Variants in ADGRV1 observed in about 807,000 individuals in gnomAD.
ADGRV1 encodes adhesion G protein-coupled receptor V1, also known as G-protein coupled receptor 98.
Under a neutral mutation model 596.2 loss-of-function variants are expected in ADGRV1, and 359 were observed. The ratio of observed to expected loss-of-function variants is 0.60; its 90% CI spans 0.55 to 0.66. ADGRV1 has a LOEUF of 0.66. ADGRV1 is among the 30% of genes least tolerant of loss of function. The pLI is 0.00. For synonymous variants in ADGRV1, 2,681 were observed against 2,679.2 expected, an observed-to-expected ratio of 1.00 and a Z score of -0.02; for missense variants, 7,274 against 7,575.6, an observed-to-expected ratio of 0.96 and a Z score of 1.48.
chr5:90,657,170 C>T (rs547520348), intron 20 of ADGRV1, among the ~76,000 whole-genome samples: 76 of 150,902 alleles, frequency 5.0e-4, no homozygotes, highest in African/African-American at 1.7e-3. Context: ...GCGCCTCAAG[C>T]GATCCTCCCA....
chr5:90,792,036 C>G (rs895799174), intron 70 of ADGRV1: 2 of 152,128 alleles, frequency 1.3e-5, no homozygotes, highest in African/African-American at 4.8e-5. Flanking sequence ...TTATGGCATT[C>G]ATTGCCACTG....
At chr5:91,102,169 T>C (rs535591208) in intron 86 of ADGRV1, 50 bp from the exon 87 acceptor site, 2 of 1,552,862 alleles carry the variant, frequency 1.3e-6, no homozygotes, top group South Asian at 2.3e-5. Context: ...TGTATACATG[T>C]GACTGTGCAG....
intron 76 of ADGRV1, among the ~76,000 whole-genome samples, chr5:90,828,251 T>A (rs1042975286): frequency 6.6e-6 from 1 of 152,106 alleles, no homozygotes; most frequent in African/African-American, 2.4e-5. Flanking sequence ...AACTTCAGAA[T>A]TGACTATTAT....
At chr5:90,960,146 A>AAC (rs1177688404) in intron 83 of ADGRV1, among the ~76,000 whole-genome samples, 1 of 146,148 alleles carries the variant, frequency 6.8e-6, no homozygotes, top group African/African-American at 2.7e-5. Context: ...TCAAAAAAAA[A>AAC]AAAAAAACAA....
chr5:90,845,404 A>G (rs1765781354), intron 78 of ADGRV1, among the ~76,000 whole-genome samples: 1 of 152,190 alleles, frequency 6.6e-6, no homozygotes, highest in South Asian at 2.1e-4. Context: ...GTGCTTTACT[A>G]AAAGAAACTT....
chr5:90,841,636 TA>T lies in ADGRV1; in HGVS notation c.17019+660del, dbSNP rs558500786. Among the ~76,000 whole-genome samples, 1,390 of 150,738 alleles carry T rather than the reference TA, an allele frequency of 9.2e-3. 5 individuals are homozygous for T. Among genetic ancestry groups the T allele is most frequent in the South Asian group, 0.046 (219 of 4,762 alleles). ...GAAAGATATCTATAAAGTTATTACT[TA>T]AAAAAAAAGCCTCCTTTGGAGGTTT... is the stretch of plus-strand genomic sequence containing the variant. On this transcript the variant is annotated intron_variant, in intron 78 of 89. Coordinates refer to ENST00000405460, the MANE Select transcript of ADGRV1 (RefSeq NM_032119.4).
intron 78 of ADGRV1, among the ~76,000 whole-genome samples, chr5:90,847,077 C>T (rs1279067357): frequency 1.3e-5 from 2 of 152,084 alleles, no homozygotes; most frequent in African/African-American, 4.8e-5. Flanking sequence ...CCTTCACAAT[C>T]CCTTAGCTAG....
chr5:90,640,239 A>G (rs1052827219), intron 11 of ADGRV1, among the ~76,000 whole-genome samples: 5 of 152,150 alleles, frequency 3.3e-5, no homozygotes, highest in Non-Finnish European at 7.4e-5. Flanking sequence ...TGGATTTGGA[A>G]AAGTGTTTTG....
chr5:90,653,923 A>G lies in ADGRV1; in HGVS notation c.4349A>G (p.Lys1450Arg), dbSNP rs372188446. 8.1e-5 allele frequency: 127 copies of G among 1,561,488 alleles called. No individual in the cohort carries two copies. Among genetic ancestry groups the G allele is most frequent in the Middle Eastern group, 1.7e-4 (1 of 6,018 alleles). The change falls in exon 20 of 90, where the codon AAG becomes AGG. Residue 1450 changes from lysine (K) to arginine (R), a missense_variant. Lys to Arg is a conservative substitution (Grantham distance 26). This residue lies in a region of ADGRV1 where 38 missense variants were observed against 66.7 expected (regional missense o/e 0.57). Coordinates refer to ENST00000405460, the MANE Select transcript of ADGRV1 (RefSeq NM_032119.4). The stretch of plus-strand genomic sequence containing the variant: ...GGAAATGCAATGCCCAGGGGAATCA[A>G]GAGTCTGAAAGGAGAAGCCATTACT... The part of the protein sequence containing the change: ...LDGNAMPRGI[K>R]SLKGEAITDG...
intron 1 of ADGRV1, among the ~76,000 whole-genome samples, chr5:90,605,477 G>T (rs1762004344): frequency 6.6e-6 from 1 of 151,352 alleles, no homozygotes; most frequent in African/African-American, 2.4e-5. Context: ...ATATTTACTT[G>T]CCCTGTTTCT....
intron 83 of ADGRV1, among the ~76,000 whole-genome samples, chr5:90,960,088 G>T (rs1263278158): frequency 6.7e-6 from 1 of 148,956 alleles, no homozygotes; most frequent in South Asian, 2.1e-4. Flanking sequence ...GCAGTGAGCC[G>T]AGATCGCGCC....
chr5:90,725,868 A>C (rs1321470760), intron 48 of ADGRV1, among the ~76,000 whole-genome samples: 1 of 152,328 alleles, frequency 6.6e-6, no homozygotes, highest in East Asian at 1.9e-4. Context: ...GCCAAGGATA[A>C]TGTAACAATA....
intron 85 of ADGRV1, among the ~76,000 whole-genome samples, chr5:90,990,098 G>T (rs534182837): frequency 6.6e-6 from 1 of 152,154 alleles, no homozygotes; most frequent in Non-Finnish European, 1.5e-5. Context: ...GATTACAGGC[G>T]TGAGCCACTG....
At chr5:90,792,174 G>A (rs567616436) in intron 70 of ADGRV1, 5 of 152,316 alleles carry the variant, frequency 3.3e-5, no homozygotes, top group African/African-American at 1.2e-4. Context: ...TGAAAAAGGA[G>A]AATATATTCT....
At chr5:90,758,257 TG>T in intron 57 of ADGRV1, among the ~76,000 whole-genome samples, 1 of 151,974 alleles carries the variant, frequency 6.6e-6, no homozygotes, top group African/African-American at 2.4e-5. Context: ...GGCGTGAACC[TG>T]GGAGGCGGAG....
chr5:90,651,525 C>CT, intron 17 of ADGRV1, 79 bp from the exon 18 acceptor site: 1 of 1,209,006 alleles, frequency 8.3e-7, no homozygotes, highest in Non-Finnish European at 1.1e-6. Flanking sequence ...TAATTGTAAA[C>CT]TTTCTTAATT....
chr5:90,806,624 T>C (rs1210098612), intron 72 of ADGRV1, among the ~76,000 whole-genome samples: 2 of 152,184 alleles, frequency 1.3e-5, no homozygotes, highest in Non-Finnish European at 2.9e-5. Context: ...TATTGCTTAT[T>C]ATGAGTGTAT....
chr5:90,967,914 A>G (rs1002517273), intron 84 of ADGRV1, among the ~76,000 whole-genome samples: 3 of 152,222 alleles, frequency 2.0e-5, no homozygotes, highest in African/African-American at 7.2e-5. Context: ...TTGCGTTGAT[A>G]GCAGTATGGA....
At chr5:91,156,215 G>T (rs1361294731) in intron 89 of ADGRV1, among the ~76,000 whole-genome samples, 1 of 152,094 alleles carries the variant, frequency 6.6e-6, no homozygotes, top group Admixed American at 6.5e-5. Context: ...GATGAAAAAA[G>T]GTTGATCTGG....
Sources: allele counts gnomAD v4.1 joint callset (sites outside exome capture counted in the v4.1 genomes callset), GRCh38; gene constraint gnomAD v4.1.1; regional missense constraint gnomAD v4.1.1; transcripts MANE v1.5; gene names NCBI Gene and HGNC (gene_info 2026-07-23, HGNC 2026-07-21).